ABCA3: variants seen among roughly 807,000 people sequenced by gnomAD.
ABCA3 encodes phospholipid-transporting ATPase ABCA3.
A neutral mutation model predicts 172.8 loss-of-function variants in ABCA3; 88 were observed. The ratio of observed to expected loss-of-function variants is 0.51; its 90% CI spans 0.43 to 0.61. The LOEUF is 0.61. Ranked by LOEUF, ABCA3 falls within the 20% of genes least tolerant of loss-of-function variation. ABCA3 has a pLI of 0.00. For synonymous variants in ABCA3, 1,066 were observed against 983.8 expected, an observed-to-expected ratio of 1.08 and a Z score of -1.56; for missense variants, 2,164 against 2,301.0, an observed-to-expected ratio of 0.94 and a Z score of 1.22.
At position 2,289,276 on chromosome 16, in the gene ABCA3, C is replaced by T. The variant is rs2093668025; in HGVS notation, c.2700+158G>A. 6 of 830,430 alleles carry T rather than the reference C, an allele frequency of 7.2e-6. No homozygotes were observed. The South Asian group carries it at 1.0e-4, about 14-fold the overall frequency. The allele number at this position is 830,430 out of a possible 1,614,324, so 51.4% of individuals were successfully genotyped here. ...CATTCAAACGCTTCTCCCTGCCGAC[C>T]CATGCGGTGTGAGCCGCTGCCCGCC... is the stretch of plus-strand genomic sequence containing the variant. On this transcript the variant is annotated intron_variant, in intron 20 of 32. Transcript: ENST00000301732.
In ABCA3 at chr16:2,284,229, C is replaced by T. The variant is rs779988290; in HGVS notation, c.3862+50G>A. 56 of 1,587,870 alleles carry T rather than the reference C, an allele frequency of 3.5e-5. No individual in the cohort carries two copies. The highest frequency in any genetic ancestry group is 5.4e-5 in the African/African-American group (4 of 74,576). The stretch of plus-strand genomic sequence containing the variant: ...CTAGGAGGCCCCTCTGCAGTGACCA[C>T]GTCCTGAGGACGCAGGGGTGCTGCC... On this transcript the variant is annotated intron_variant, in intron 25 of 32. Coordinates refer to ENST00000301732, the MANE Select transcript of ABCA3 (RefSeq NM_001089.3). The surrounding 1 kb of genome is among the most constrained non-coding windows in gnomAD (Gnocchi z 5.9).
At chr16:2,311,393 C>CT (rs1283746694) in intron 10 of ABCA3, among the ~76,000 whole-genome samples, 1 of 152,198 alleles carries the variant, frequency 6.6e-6, no homozygotes, top group East Asian at 1.9e-4. Context: ...GGATATTCTT[C>CT]TTTGATACTA....
intron 2 of ABCA3, among the ~76,000 whole-genome samples, chr16:2,329,368 T>C (rs547004520): frequency 1.3e-5 from 2 of 152,266 alleles, no homozygotes; most frequent in South Asian, 4.2e-4. Flanking sequence ...GGTGCCTCCA[T>C]TTGGGGCCAT....
chr16:2,287,898 C>A lies in ABCA3; in HGVS notation c.3004+128G>T. On this transcript the variant is annotated intron_variant, in intron 21 of 32. Transcript: ENST00000301732. The surrounding 1 kb of genome is among the most constrained non-coding windows in gnomAD (Gnocchi z 4.1). ...AAGGTCAGGGATGCTGCTGAACCTC[C>A]CTCAGTACATTCGGAACAGCCAAGA... 1 of 1,197,026 alleles carries A rather than the reference C, an allele frequency of 8.4e-7. No homozygotes were observed. The highest frequency in any genetic ancestry group is 1.2e-6 in the Non-Finnish European group (1 of 848,416). 74.2% of individuals were successfully genotyped at this position (1,197,026 alleles called of 1,614,324 possible). A position where few individuals can be genotyped will look rare whatever the true frequency, so the allele number is the denominator to read the frequency against.
rs571310955 is a variant in ABCA3, at chr16:2,301,039, G to T, written c.1468-891C>A. 3.9e-4 allele frequency among the ~76,000 whole-genome samples: 58 copies of T among 150,182 alleles called. 2 individuals are homozygous for T. The highest frequency in any genetic ancestry group is 3.4e-3 in the Admixed American group (51 of 15,178). On this transcript the variant is annotated intron_variant, in intron 12 of 32. Coordinates refer to ENST00000301732, the MANE Select transcript of ABCA3 (RefSeq NM_001089.3). The stretch of plus-strand genomic sequence containing the variant: ...AGGTCAGGAGATCGAGACCATCCTG[G>T]CTAACACGGTGAAACCCCGTCTCTA...
At position 2,278,700 on chromosome 16, in the gene ABCA3, C is replaced by G. The variant is rs1397300698; in HGVS notation, c.4548-242G>C. On this transcript the variant is annotated intron_variant, in intron 29 of 32. Coordinates refer to ENST00000301732, the MANE Select transcript of ABCA3 (RefSeq NM_001089.3). This position sits in a 1 kb window ranked among gnomAD's most constrained non-coding sequence, Gnocchi z 4.4. ...TACATGGGAAGACATCTGCCTGCAC[C>G]TAAAGGGGACCTGCCGACCCTGACA... Among the ~76,000 whole-genome samples, 2 of 152,194 alleles carry G rather than the reference C, an allele frequency of 1.3e-5. No homozygotes were observed. Among genetic ancestry groups the G allele is most frequent in the African/African-American group, 4.8e-5 (2 of 41,446 alleles).
intron 14 of ABCA3, 24 bp downstream of exon 14, chr16:2,299,379 G>C: frequency 6.2e-7 from 1 of 1,612,688 alleles, no homozygotes; most frequent in East Asian, 2.2e-5. Flanking sequence ...CTGGTGGCAG[G>C]GGCGTGAGGC....
intron 12 of ABCA3, among the ~76,000 whole-genome samples, chr16:2,300,691 C>T (rs1033379509): frequency 3.9e-5 from 6 of 152,238 alleles, no homozygotes; most frequent in African/African-American, 1.4e-4. Context: ...ACACCTCACA[C>T]AGTGCCCTCG....
rs1236212625 is a variant in ABCA3 at position 2,299,509 on chromosome 16, G to C, written c.1635C>G (p.Asp545Glu). ...GGTTCAGGTCTCTGACGGCCGCCCT[G>C]TCCTTATTTCCCACCCTGAACACCT... ...LSKVFRVGNK[D>E]RAAVRDLNLN... is the part of the protein sequence containing the mutation. Residue 545 changes from aspartate to glutamate, a missense_variant, in exon 14 of 33, where the codon GAC (aspartate) becomes GAG (glutamate). Transcript: ENST00000301732. 3.7e-6 allele frequency: 6 copies of C among 1,613,640 alleles called. No individual in the cohort carries two copies. The South Asian group carries it at 6.6e-5, about 18-fold the overall frequency.
Position 2,285,444 on chromosome 16 carries a change from G to T in ABCA3, c.3481C>A (p.Leu1161Met). 6.2e-7 allele frequency: 1 copy of T among 1,607,588 alleles called. No homozygotes were observed. ...ISFLIPSLLLLVVFKAFDVRA... is the reference protein window; with the variant it reads ...ISFLIPSLLLMVVFKAFDVRA... ...ATCCAGCACCCTCCGGCGCTCACCA[G>T]CAGCAGCAGACTGGGGATGAGGAAG... The change falls in exon 23 of 33, where the codon CTG (leucine) becomes ATG (methionine). Residue 1161 changes from leucine to methionine, a missense_variant and splice_region_variant. Physicochemically the swap from Leu to Met is conservative, Grantham distance 15. This residue lies in a region of ABCA3 where 795 missense variants were observed against 881.9 expected (regional missense o/e 0.90). Transcript: ENST00000301732. This position sits in a 1 kb window ranked among gnomAD's most constrained non-coding sequence, Gnocchi z 4.7.
chr16:2,338,213 C>G (rs1028841608), intron 1 of ABCA3, among the ~76,000 whole-genome samples: 1 of 152,190 alleles, frequency 6.6e-6, no homozygotes, highest in Non-Finnish European at 1.5e-5. Context: ...GACTCCAAAC[C>G]TCTCCAACAC....
intron 10 of ABCA3, among the ~76,000 whole-genome samples, chr16:2,314,632 A>G (rs2093711952): frequency 6.6e-6 from 1 of 151,824 alleles, no homozygotes; most frequent in Non-Finnish European, 1.5e-5. Flanking sequence ...GCTGGAGTGC[A>G]GTGGCATGAT....
chr16:2,325,627 C>G (rs1364287989), intron 5 of ABCA3, among the ~76,000 whole-genome samples: 1 of 152,178 alleles, frequency 6.6e-6, no homozygotes, highest in Non-Finnish European at 1.5e-5. Context: ...TTATTGGACT[C>G]TGTTCACAGA....
chr16:2,330,697 C>CT (rs35782536), intron 1 of ABCA3, among the ~76,000 whole-genome samples: 15 of 79,202 alleles, frequency 1.9e-4, no homozygotes, highest in East Asian at 3.8e-4. Flanking sequence ...CAACACCACC[C>CT]TTTTTTTTTT....
At position 2,285,561 on chromosome 16, in the gene ABCA3, C is replaced by G; in HGVS notation, c.3364G>C (p.Glu1122Gln). The G allele has an allele frequency of 6.3e-7, 1 of 1,582,164 alleles. No individual in the cohort carries two copies. The highest frequency in any genetic ancestry group is 8.6e-7 in the Non-Finnish European group (1 of 1,163,680). Residue 1122 changes from glutamate to glutamine, a missense_variant, in exon 23 of 33, where the codon GAG becomes CAG. Physicochemically the swap from Glu to Gln is conservative, Grantham distance 29. Coordinates refer to ENST00000301732, the MANE Select transcript of ABCA3 (RefSeq NM_001089.3). This position sits in a 1 kb window ranked among gnomAD's most constrained non-coding sequence, Gnocchi z 4.7. Reference sequence around the variant, plus strand: ...ACATGCTTGGCCTGCACGGCCCTCTCGCTGACCGCCAGGATGGAGAACGTG... The same window carrying G: ...ACATGCTTGGCCTGCACGGCCCTCTGGCTGACCGCCAGGATGGAGAACGTG... The part of the protein sequence containing the change: ...ASTFSILAVS[E>Q]RAVQAKHVQF...
At position 2,297,248 on chromosome 16, in the gene ABCA3, G is replaced by A; in HGVS notation, c.2263+81C>T. 6.7e-7 allele frequency: 1 copy of A among 1,487,784 alleles called. No individual in the cohort carries two copies. Among genetic ancestry groups the A allele is most frequent in the East Asian group, 2.3e-5 (1 of 43,168 alleles). The allele number at this position is 1,487,784 out of a possible 1,614,324, so 92.2% of individuals were successfully genotyped here. ...AAGGCCACCCCTGCCTGATCTGAGG[G>A]CCCTTCATGAAGGTAGCAGCCATTC... is the stretch of plus-strand genomic sequence containing the variant. On this transcript the variant is annotated intron_variant, in intron 17 of 32. Transcript: ENST00000301732. The surrounding 1 kb of genome is among the most constrained non-coding windows in gnomAD (Gnocchi z 5.6).
In ABCA3 at chr16:2,294,248, G is replaced by A. The variant is rs539774896; in HGVS notation, c.2414+1342C>T. On this transcript the variant is annotated intron_variant, in intron 18 of 32. Transcript: ENST00000301732. Reference sequence around the variant, plus strand: ...TCACCGTGTTGGCCAGGATGGTCTCGATCTCCTGACCTCATGGTCCGCCCG... The same window carrying A: ...TCACCGTGTTGGCCAGGATGGTCTCAATCTCCTGACCTCATGGTCCGCCCG... Among the ~76,000 whole-genome samples, 20 of 150,946 alleles carry A rather than the reference G, an allele frequency of 1.3e-4. No individual in the cohort carries two copies. In the South Asian group the frequency reaches 3.1e-3, roughly 24 times the overall value.
intron 15 of ABCA3, 58 bp downstream of exon 15, chr16:2,298,328 C>G: frequency 6.2e-7 from 1 of 1,610,186 alleles, no homozygotes. Flanking sequence ...GAAGACTGCC[C>G]CAGAAACTCG....
At chr16:2,338,835 A>ACCTC (rs1481685028) in intron 1 of ABCA3, among the ~76,000 whole-genome samples, 1 of 148,426 alleles carries the variant, frequency 6.7e-6, no homozygotes, top group Non-Finnish European at 1.5e-5. Context: ...GCTCACTGTA[A>ACCTC]CCTCCACCTA....
Sources: allele counts gnomAD v4.1 joint callset (sites outside exome capture counted in the v4.1 genomes callset), GRCh38; gene constraint gnomAD v4.1.1; regional missense constraint gnomAD v4.1.1; non-coding constraint Gnocchi (gnomAD v3.1); transcripts MANE v1.5; gene names NCBI Gene and HGNC (gene_info 2026-07-23, HGNC 2026-07-21).